The following CPS1 variants were observed in gnomAD, a reference collection of about 807,000 sequenced individuals.
The protein encoded by CPS1 is carbamoyl-phosphate synthase [ammonia], mitochondrial.
CPS1 carries 109 observed loss-of-function variants against 174.6 expected under a neutral mutation model. That is an observed-to-expected ratio of 0.62 (90% CI 0.53 to 0.73). The LOEUF (loss-of-function observed/expected upper bound fraction) is 0.73, where lower values mean the gene tolerates loss of function less well. CPS1 is among the 30% of genes least tolerant of loss of function. The pLI is 0.00. For missense variants in CPS1, 1,689 were observed against 1,821.9 expected, an observed-to-expected ratio of 0.93 and a Z score of 1.33; for synonymous variants, 637 against 632.0, an observed-to-expected ratio of 1.01 and a Z score of -0.12.
At position 210,595,418 on chromosome 2, in the gene CPS1, C is replaced by T. The variant is rs1671159989; in HGVS notation, c.1264-69C>T. ...CTCAGACAATGTGGTTTGTCTTCTC[C>T]AATCTTGAAAATGCCTTATTTCCCC... On this transcript the variant is annotated intron_variant, in intron 12 of 37. Coordinates refer to ENST00000233072, the MANE Select transcript of CPS1 (RefSeq NM_001875.5). 3 of 1,105,734 alleles carry T rather than the reference C, an allele frequency of 2.7e-6. No individual in the cohort carries two copies. The Admixed American group carries it at 5.1e-5, about 19-fold the overall frequency. 68.5% of individuals were successfully genotyped at this position (1,105,734 alleles called of 1,614,324 possible).
intron 1 of CPS1, among the ~76,000 whole-genome samples, chr2:210,478,957 G>A (rs1444737976): frequency 1.2e-5 from 1 of 84,114 alleles, no homozygotes; most frequent in East Asian, 4.1e-4. Context: ...CTCCCTCCCT[G>A]CTTTCCTTCT....
intron 21 of CPS1, among the ~76,000 whole-genome samples, chr2:210,632,850 A>C (rs1421299417): frequency 2.0e-5 from 3 of 152,252 alleles, no homozygotes; most frequent in Non-Finnish European, 2.9e-5. Flanking sequence ...ATTCAAGTTA[A>C]GGTAGATGAA....
chr2:210,609,532 A>G (rs1257339790), intron 19 of CPS1, among the ~76,000 whole-genome samples: 1 of 152,004 alleles, frequency 6.6e-6, no homozygotes, highest in Admixed American at 6.6e-5. Context: ...CATTATTGTT[A>G]TTATTAAATT....
At chr2:210,664,184 A>G (rs77268067) in intron 33 of CPS1, among the ~76,000 whole-genome samples, 6,168 of 152,238 alleles carry the variant, frequency 0.041, 185 homozygotes, top group Non-Finnish European at 0.058. Context: ...AAATGAAGGC[A>G]CTATGTACGT....
intron 1 of CPS1, among the ~76,000 whole-genome samples, chr2:210,571,574 A>G (rs1228995309): frequency 1.3e-5 from 2 of 151,984 alleles, no homozygotes; most frequent in East Asian, 3.9e-4. Flanking sequence ...TAATAGGTAT[A>G]CACACTCACA....
At chr2:210,621,270 A>G (rs191128495) in intron 21 of CPS1, among the ~76,000 whole-genome samples, 51 of 152,224 alleles carry the variant, frequency 3.4e-4, no homozygotes, top group African/African-American at 1.2e-3. Context: ...TCAGTACGAT[A>G]TAAGTTGTGT....
chr2:210,615,701 C>A (rs999525614), intron 20 of CPS1, among the ~76,000 whole-genome samples: 1 of 151,698 alleles, frequency 6.6e-6, no homozygotes, highest in East Asian at 1.9e-4. Flanking sequence ...GCTTAATGAC[C>A]CATAGTTGTA....
intron 11 of CPS1, 130 bp downstream of exon 11, chr2:210,593,086 A>G: frequency 7.1e-6 from 6 of 849,986 alleles, no homozygotes; most frequent in Non-Finnish European, 1.2e-5. Context: ...CTTTGGTAAC[A>G]CACATTTTGT....
chr2:210,617,610 C>A (rs1352182055), intron 21 of CPS1: 1 of 151,818 alleles, frequency 6.6e-6, no homozygotes, highest in Non-Finnish European at 1.5e-5. Context: ...AAATTAGGTT[C>A]TTTTTCATCT....
chr2:210,618,065 T>C (rs913577214), intron 21 of CPS1: 19 of 152,158 alleles, frequency 1.2e-4, no homozygotes, highest in Middle Eastern at 3.4e-3. Flanking sequence ...TTTAATTGAA[T>C]AGTTTTCGTT....
In CPS1 at chr2:210,599,521, G is replaced by T. The variant is rs1459897760; in HGVS notation, c.1509G>T (p.Gly503=). The T allele has an allele frequency of 3.1e-6, 5 of 1,612,344 alleles. No homozygotes were observed. In the Admixed American group the frequency reaches 8.4e-5, roughly 27 times the overall value. Residue 503 remains glycine, a synonymous_variant, in exon 14 of 38, where the codon GGG becomes GGT. Transcript: ENST00000233072. ...TEVIKAEQPD[G]LILGMGGQTA... The stretch of plus-strand genomic sequence containing the variant: ...TCATCAAGGCAGAACAGCCAGATGG[G>T]TTAATTCTGGGCATGGGTGGCCAGA...
chr2:210,646,040 A>G (rs1370296945), intron 25 of CPS1, among the ~76,000 whole-genome samples: 1 of 152,214 alleles, frequency 6.6e-6, no homozygotes, highest in Non-Finnish European at 1.5e-5. Flanking sequence ...TAATACAGCT[A>G]AGTTGAAAAA....
At chr2:210,579,809 GGTGTGTGT>G in intron 5 of CPS1, 39 bp downstream of exon 5, 8 of 1,337,962 alleles carry the variant, frequency 6.0e-6, no homozygotes, top group Non-Finnish European at 8.5e-6. Context: ...TGTTTCTTCG[GGTGTGTGT>G]GTGTGTGTGT....
rs752816043 is a variant in CPS1, at chr2:210,576,389, C to T, written c.280C>T (p.Leu94Phe). ...TGACCCTGCCTACAAAGGACAGATT[C>T]TCACAATGGCCAACCCTATTATTGG... ...ITDPAYKGQI[L>F]TMANPIIGNG... Residue 94 changes from leucine to phenylalanine, a missense_variant, in exon 3 of 38, where the codon CTC (leucine) becomes TTC (phenylalanine). Transcript: ENST00000233072. 13 of 1,613,776 alleles carry T rather than the reference C, an allele frequency of 8.1e-6. No homozygotes were observed. Among genetic ancestry groups the T allele is most frequent in the Non-Finnish European group, 1.1e-5 (13 of 1,179,746 alleles).
intron 1 of CPS1, among the ~76,000 whole-genome samples, chr2:210,497,916 A>ATATATATATATATATATATATC (rs1553718852): frequency 3.6e-5 from 5 of 140,620 alleles, no homozygotes; most frequent in Non-Finnish European, 7.6e-5. Flanking sequence ...ATATATATAT[A>ATATATATATATATATATATATC]TATCTCCAGT....
intron 11 of CPS1, chr2:210,593,673 A>G: frequency 1.0e-6 from 1 of 984,974 alleles, no homozygotes; most frequent in Non-Finnish European, 1.2e-6. Context: ...AAAGACTTCG[A>G]GGTAAAATGG....
chr2:210,574,955 C>G (rs1422797677), intron 2 of CPS1, among the ~76,000 whole-genome samples: 1 of 151,952 alleles, frequency 6.6e-6, no homozygotes, highest in East Asian at 1.9e-4. Context: ...ATGCTTCTTT[C>G]ATTCATTACG....
intron 1 of CPS1, among the ~76,000 whole-genome samples, chr2:210,496,970 G>T (rs964626265): frequency 1.3e-5 from 2 of 151,958 alleles, no homozygotes; most frequent in African/African-American, 2.4e-5. Flanking sequence ...CTGGACAGCT[G>T]GTCTGTTTTT....
chr2:210,641,170 GGA>G (rs1303802862), intron 24 of CPS1, among the ~76,000 whole-genome samples: 1 of 152,158 alleles, frequency 6.6e-6, no homozygotes, highest in Non-Finnish European at 1.5e-5. Flanking sequence ...CACCTAGGCT[GGA>G]ATGCAGTGGT....
Sources: allele counts gnomAD v4.1 joint callset (sites outside exome capture counted in the v4.1 genomes callset), GRCh38; gene constraint gnomAD v4.1.1; transcripts MANE v1.5; gene names NCBI Gene and HGNC (gene_info 2026-07-23, HGNC 2026-07-21).